The following MAGI2 variants were observed in gnomAD, a reference collection of about 807,000 sequenced individuals.
MAGI2 encodes the protein membrane-associated guanylate kinase, WW and PDZ domain-containing protein 2.
A neutral mutation model predicts 133.3 loss-of-function variants in MAGI2; 35 were observed. That is an observed-to-expected ratio of 0.26 (90% confidence interval 0.20 to 0.35). MAGI2 has a LOEUF of 0.35. Ranked by LOEUF, MAGI2 falls within the 10% of genes least tolerant of loss-of-function variation. MAGI2 has a pLI of 1.00. For missense variants in MAGI2, 1,636 were observed against 1,863.4 expected (o/e 0.88, Z 2.25); for synonymous variants, 729 against 710.6 (o/e 1.03, Z -0.41).
intron 14 of MAGI2, among the ~76,000 whole-genome samples, chr7:78,174,472 A>C (rs1243842501): frequency 2.0e-5 from 3 of 152,246 alleles, no homozygotes; most frequent in African/African-American, 7.2e-5. Context: ...AATTGCCTTA[A>C]AGTTGTATTT....
intron 4 of MAGI2, among the ~76,000 whole-genome samples, chr7:78,506,560 G>A (rs944738076): frequency 6.6e-6 from 1 of 152,094 alleles, no homozygotes; most frequent in African/African-American, 2.4e-5. Context: ...AAGAGGAAAG[G>A]GCAGCCATGG....
chr7:79,245,858 TGGCCCCAGC>T (rs1273646480), intron 1 of MAGI2, among the ~76,000 whole-genome samples: 1 of 152,174 alleles, frequency 6.6e-6, no homozygotes, highest in Non-Finnish European at 1.5e-5. Context: ...TGGCCCAGCA[TGGCCCCAGC>T]GGTGGTGGCC....
At chr7:79,037,451 T>C (rs1200405404) in intron 1 of MAGI2, among the ~76,000 whole-genome samples, 1 of 152,098 alleles carries the variant, frequency 6.6e-6, no homozygotes, top group Non-Finnish European at 1.5e-5. Context: ...CACACTGAAA[T>C]AGTAACAGAG....
chr7:78,399,061 T>A (rs62468258), intron 6 of MAGI2, among the ~76,000 whole-genome samples: 81,313 of 152,094 alleles, frequency 0.53, 22,761 homozygotes, highest in Middle Eastern at 0.64. Flanking sequence ...GATTTAGAAT[T>A]AATGTGTCTA....
intron 1 of MAGI2, among the ~76,000 whole-genome samples, chr7:79,397,662 T>G (rs2129158518): frequency 6.6e-6 from 1 of 152,254 alleles, no homozygotes; most frequent in Non-Finnish European, 1.5e-5. Flanking sequence ...AATGACTATC[T>G]CATATACTTG....
At chr7:78,493,678 G>A (rs1793830235) in intron 5 of MAGI2, among the ~76,000 whole-genome samples, 1 of 152,018 alleles carries the variant, frequency 6.6e-6, no homozygotes, top group Non-Finnish European at 1.5e-5. Context: ...CTCACACTTG[G>A]CTTTTTATAC....
At chr7:78,799,549 C>T (rs1213541844) in intron 2 of MAGI2, among the ~76,000 whole-genome samples, 1 of 152,096 alleles carries the variant, frequency 6.6e-6, no homozygotes, top group Non-Finnish European at 1.5e-5. Context: ...ATCCATGTGG[C>T]CAAGGATATA....
intron 21 of MAGI2, among the ~76,000 whole-genome samples, chr7:78,049,287 G>A (rs1811768072): frequency 6.6e-6 from 1 of 152,172 alleles, no homozygotes; most frequent in Non-Finnish European, 1.5e-5. Context: ...TTAGTAAAGT[G>A]CTTCTCCCAG....
At chr7:78,930,906 A>G (rs1181964240) in intron 2 of MAGI2, among the ~76,000 whole-genome samples, 2 of 152,132 alleles carry the variant, frequency 1.3e-5, no homozygotes, top group East Asian at 3.9e-4. Context: ...ACGGAAATAC[A>G]GTAATTTTGG....
At chr7:79,243,851 C>G (rs1201020390) in intron 1 of MAGI2, among the ~76,000 whole-genome samples, 3 of 152,046 alleles carry the variant, frequency 2.0e-5, no homozygotes, top group African/African-American at 7.2e-5. Context: ...AGAAAAGAAA[C>G]AGCTAGTAGT....
intron 10 of MAGI2, chr7:78,253,706 C>A (rs963171335): frequency 3.3e-5 from 5 of 152,148 alleles, no homozygotes; most frequent in African/African-American, 1.2e-4. Flanking sequence ...CAATTACTTT[C>A]ATTTTATACT....
chr7:79,050,075 G>T (rs1045023627), intron 1 of MAGI2, among the ~76,000 whole-genome samples: 7 of 152,066 alleles, frequency 4.6e-5, no homozygotes, highest in African/African-American at 1.7e-4. Flanking sequence ...TCCTTCAAAG[G>T]TGATTTAAAT....
chr7:78,428,302 C>T (rs989806783), intron 6 of MAGI2, among the ~76,000 whole-genome samples: 3 of 152,010 alleles, frequency 2.0e-5, no homozygotes, highest in African/African-American at 4.8e-5. Context: ...AATACAAAGT[C>T]ATTATTTGAA....
chr7:78,860,191 C>G (rs918422474), intron 2 of MAGI2, among the ~76,000 whole-genome samples: 1 of 152,166 alleles, frequency 6.6e-6, no homozygotes, highest in Non-Finnish European at 1.5e-5. Flanking sequence ...CAAACATTCT[C>G]CTTTAGCTTG....
intron 1 of MAGI2, among the ~76,000 whole-genome samples, chr7:79,247,415 G>A (rs1832903780): frequency 6.6e-6 from 1 of 152,068 alleles, no homozygotes; most frequent in African/African-American, 2.4e-5. Flanking sequence ...AGGAATTTGA[G>A]AACAGTCTGG....
chr7:79,344,894 G>C (rs543773263), intron 1 of MAGI2, among the ~76,000 whole-genome samples: 1 of 152,042 alleles, frequency 6.6e-6, no homozygotes, highest in Non-Finnish European at 1.5e-5. Context: ...CAATAGTAGC[G>C]CTTGGGTACT....
chr7:79,452,778 C>T, intron 1 of MAGI2: 1 of 505,320 alleles, frequency 2.0e-6, no homozygotes. Flanking sequence ...CGAGCACCTT[C>T]CAAAGGGGAG....
intron 1 of MAGI2, among the ~76,000 whole-genome samples, chr7:79,268,062 A>T (rs574877959): frequency 3.3e-5 from 5 of 152,274 alleles, no homozygotes; most frequent in African/African-American, 1.2e-4. Context: ...ACTGAAGGCC[A>T]TTGTGCTCCT....
At chr7:78,469,349 G>T (rs1415644852) in intron 6 of MAGI2, among the ~76,000 whole-genome samples, 2 of 152,070 alleles carry the variant, frequency 1.3e-5, no homozygotes, top group Non-Finnish European at 2.9e-5. Flanking sequence ...CTAAACTCTA[G>T]AGAGCAGAGA....
Sources: gnomAD v4.1 joint callset for allele counts (sites outside exome capture counted in the v4.1 genomes callset) on GRCh38, gnomAD v4.1.1 for gene constraint, MANE v1.5 for transcripts, NCBI Gene and HGNC (gene_info 2026-07-23, HGNC 2026-07-21) for gene names.